Variants in FAIM observed in about 807,000 individuals in gnomAD.
FAIM encodes Fas apoptotic inhibitory molecule, also known as fas apoptotic inhibitory molecule 1.
A neutral mutation model predicts 21.2 loss-of-function variants in FAIM; 14 were observed. The ratio of observed to expected loss-of-function variants is 0.66; its 90% CI spans 0.44 to 1.03. FAIM has a LOEUF of 1.03. FAIM is among the 50% of genes least tolerant of loss of function. The pLI is 0.00. For missense variants in FAIM, 222 were observed against 247.1 expected, an observed-to-expected ratio of 0.90 and a Z score of 0.68; for synonymous variants, 86 against 80.4, an observed-to-expected ratio of 1.07 and a Z score of -0.37.
At chr3:138,613,852 A>G (rs1173297496) in intron 1 of FAIM, among the ~76,000 whole-genome samples, 1 of 152,054 alleles carries the variant, frequency 6.6e-6, no homozygotes, top group African/African-American at 2.4e-5. Flanking sequence ...TTGGTGTCCT[A>G]TCTAAGAATC....
chr3:138,632,954 GA>G lies in FAIM; in HGVS notation c.484del (p.Thr162LeufsTer12). 1 of 1,613,372 alleles carries G rather than the reference GA, an allele frequency of 6.2e-7. No homozygotes were observed. The highest frequency in any genetic ancestry group is 8.5e-7 in the Non-Finnish European group (1 of 1,179,720). On this transcript the variant is annotated frameshift_variant, in exon 6 of 6. Coordinates refer to ENST00000360570, the MANE Select transcript of FAIM (RefSeq NM_001033031.2). LOFTEE classifies it high-confidence loss of function. ...GGGTGAGTTTGTAGATGATGGGACT[GA>G]AACTCACTTCAGTATCGGGAACCAT... ...TAGEFVDDGT[E>X]THFSIGNHDC...
chr3:138,632,535 C>T (rs990151431), intron 5 of FAIM, among the ~76,000 whole-genome samples: 1 of 152,092 alleles, frequency 6.6e-6, no homozygotes. Flanking sequence ...TAAGAACACT[C>T]CATCCCTGGC....
intron 1 of FAIM, among the ~76,000 whole-genome samples, chr3:138,615,149 C>G (rs1049420669): frequency 6.6e-6 from 1 of 152,160 alleles, no homozygotes; most frequent in Non-Finnish European, 1.5e-5. Flanking sequence ...TAACACAAAG[C>G]CTATGTTACA....
intron 4 of FAIM, among the ~76,000 whole-genome samples, chr3:138,625,603 T>A (rs2042931019): frequency 1.3e-5 from 2 of 152,226 alleles, no homozygotes; most frequent in South Asian, 4.1e-4. Flanking sequence ...AATAACAATA[T>A]TATATGACTT....
At chr3:138,628,238 T>C (rs1398507772) in intron 4 of FAIM, among the ~76,000 whole-genome samples, 1 of 152,172 alleles carries the variant, frequency 6.6e-6, no homozygotes, top group Non-Finnish European at 1.5e-5. Flanking sequence ...GAAACCATTA[T>C]GAAAAGGAAT....
At chr3:138,618,838 A>G (rs2042855470) in intron 1 of FAIM, among the ~76,000 whole-genome samples, 1 of 152,208 alleles carries the variant, frequency 6.6e-6, no homozygotes, top group Admixed American at 6.5e-5. Flanking sequence ...AGCAAAAAAT[A>G]GTTGAATTTA....
In FAIM at chr3:138,621,515, A is replaced by G. The variant is rs1411085868; in HGVS notation, c.153A>G (p.Lys51=). ...IEFEHGTTSG[K]RVVYVDGKEE... ...TTGAACATGGGACTACATCAGGCAA[A>G]CGAGTAGTATATGTAGATGGAAAGG... The change falls in exon 3 of 6, where the codon AAA becomes AAG. Residue 51 remains lysine, a synonymous_variant. Transcript: ENST00000360570. 6.2e-7 allele frequency: 1 copy of G among 1,613,942 alleles called. No homozygotes were observed. Among genetic ancestry groups the G allele is most frequent in the East Asian group, 2.2e-5 (1 of 44,836 alleles).
Position 138,621,411 on chromosome 3 carries a change from C to T in FAIM, c.49C>T (p.Pro17Ser), listed in dbSNP as rs200135625. Reference sequence around the variant, plus strand: ...TGCTTTATTTTATTCCTTTAGCCCTCCTTACAGCCTAGAAAAAATGACAGA... The same window carrying T: ...TGCTTTATTTTATTCCTTTAGCCCTTCTTACAGCCTAGAAAAAATGACAGA... The part of the protein sequence containing the change: ...SPIFEDDESP[P>S]YSLEKMTDLV... The change falls in exon 3 of 6, where the codon CCT becomes TCT. Residue 17 changes from proline to serine, a missense_variant. Coordinates refer to ENST00000360570, the MANE Select transcript of FAIM (RefSeq NM_001033031.2). The T allele has an allele frequency of 2.5e-6, 4 of 1,613,716 alleles. No individual in the cohort carries two copies. The highest frequency in any genetic ancestry group is 2.7e-5 in the African/African-American group (2 of 74,988).
At chr3:138,613,890 T>A (rs2042798614) in intron 1 of FAIM, among the ~76,000 whole-genome samples, 1 of 152,234 alleles carries the variant, frequency 6.6e-6, no homozygotes, top group South Asian at 2.1e-4. Context: ...TCATGAGGAT[T>A]TACCTCTATG....
chr3:138,619,075 T>C lies in FAIM; in HGVS notation c.-16-636T>C, dbSNP rs893722229. Among the ~76,000 whole-genome samples the C allele has an allele frequency of 1.8e-4, 27 of 152,226 alleles. 1 individual carries two copies. The highest frequency in any genetic ancestry group is 6.5e-5 in the Admixed American group (1 of 15,286). On this transcript the variant is annotated intron_variant, in intron 1 of 5. Transcript: ENST00000360570. ...ACTTTTGTGGATTCATCATTGGCAC[T>C]AGTAAATTAAATGGGCTTAAGTAAG...
At chr3:138,619,299 T>C (rs2042859816) in intron 1 of FAIM, among the ~76,000 whole-genome samples, 1 of 152,220 alleles carries the variant, frequency 6.6e-6, no homozygotes, top group Non-Finnish European at 1.5e-5. Flanking sequence ...ATTGTGTTTA[T>C]CCTGGAGTTT....
At chr3:138,629,226 TAATTATAG>T in intron 5 of FAIM, 70 bp downstream of exon 5, 1 of 1,259,528 alleles carries the variant, frequency 7.9e-7, no homozygotes, top group Non-Finnish European at 1.1e-6. Context: ...CTGCATTTCC[TAATTATAG>T]AGATCTTATA....
intron 4 of FAIM, among the ~76,000 whole-genome samples, chr3:138,624,218 T>C (rs781132521): frequency 1.1e-4 from 16 of 152,198 alleles, no homozygotes; most frequent in Admixed American, 3.3e-4. Context: ...CTTAAACATA[T>C]GGGACTTTAA....
At chr3:138,627,825 C>T (rs1275880159) in intron 4 of FAIM, among the ~76,000 whole-genome samples, 1 of 152,142 alleles carries the variant, frequency 6.6e-6, no homozygotes, top group Non-Finnish European at 1.5e-5. Flanking sequence ...TCTCCCATCT[C>T]TAAGTGAGGC....
intron 1 of FAIM, among the ~76,000 whole-genome samples, chr3:138,612,564 C>T (rs765626348): frequency 3.3e-5 from 5 of 151,946 alleles, no homozygotes; most frequent in Non-Finnish European, 5.9e-5. Context: ...GTGTATGTAC[C>T]GCGTTTTGTT....
At chr3:138,609,547 T>TCC (rs2042733600) in intron 1 of FAIM, among the ~76,000 whole-genome samples, 2 of 35,070 alleles carry the variant, frequency 5.7e-5, no homozygotes, top group Non-Finnish European at 1.1e-4. Flanking sequence ...TCTCTCTCTC[T>TCC]CTCTCTCTCT....
In FAIM at chr3:138,613,849, CCTAT is replaced by C. The variant is rs548960110; in HGVS notation, c.-17+4916_-17+4919del. ...TCTTTTGCTGCTATCCTTTTGGTGTCCTATCTAAGAATCCATTGCCAAATCCAAG... is the reference window on the plus strand; with the variant it reads ...TCTTTTGCTGCTATCCTTTTGGTGTCCTAAGAATCCATTGCCAAATCCAAG... On this transcript the variant is annotated intron_variant, in intron 1 of 5. Coordinates refer to ENST00000360570, the MANE Select transcript of FAIM (RefSeq NM_001033031.2). 2.9e-4 allele frequency among the ~76,000 whole-genome samples: 44 copies of C among 152,240 alleles called. No individual in the cohort carries two copies. The South Asian group carries it at 5.6e-3, about 19-fold the overall frequency.
chr3:138,629,108 A>G lies in FAIM; in HGVS notation c.408A>G (p.Glu136=). Residue 136 remains glutamate, a splice_region_variant and synonymous_variant, in exon 5 of 6, where the codon GAA becomes GAG. Transcript: ENST00000360570. ...AAAGTTTTTATGTTACCTTTACAGA[A>G]AAAGATGCTATGGACGTATGGTGCA... The part of the protein sequence containing the change: ...MDGENFRIVL[E]KDAMDVWCNG... The G allele has an allele frequency of 6.2e-7, 1 of 1,604,304 alleles. No homozygotes were observed. The highest frequency in any genetic ancestry group is 8.5e-7 in the Non-Finnish European group (1 of 1,176,508).
At chr3:138,627,640 A>G (rs1346688338) in intron 4 of FAIM, among the ~76,000 whole-genome samples, 1 of 152,160 alleles carries the variant, frequency 6.6e-6, no homozygotes, top group African/African-American at 2.4e-5. Flanking sequence ...TTCTACCATC[A>G]TCGTGGTTTA....
Sources: allele counts gnomAD v4.1 joint callset (sites outside exome capture counted in the v4.1 genomes callset), GRCh38; gene constraint gnomAD v4.1.1; transcripts MANE v1.5; gene names NCBI Gene and HGNC (gene_info 2026-07-23, HGNC 2026-07-21).